CCDC137: variants seen among roughly 807,000 people sequenced by gnomAD.
The protein encoded by CCDC137 is coiled-coil domain containing 137, also known as coiled-coil domain-containing protein 137.
In CCDC137, 24 loss-of-function variants were observed where a neutral mutation model predicts 30.4. The ratio of observed to expected loss-of-function variants is 0.79; its 90% CI spans 0.57 to 1.11. The LOEUF (loss-of-function observed/expected upper bound fraction) is 1.11. Ranked by LOEUF, CCDC137 falls within the 50% of genes least tolerant of loss-of-function variation. The pLI is 0.00. For missense variants in CCDC137, 417 were observed against 380.4 expected, an observed-to-expected ratio of 1.10 and a Z score of -0.80; for synonymous variants, 182 against 155.7, an observed-to-expected ratio of 1.17 and a Z score of -1.26.
Position 81,672,875 on chromosome 17 carries a change from T to C in CCDC137, c.*171T>C. On this transcript the variant is annotated 3_prime_UTR_variant, in exon 6 of 6. Coordinates refer to ENST00000329214, the MANE Select transcript of CCDC137 (RefSeq NM_199287.3). ...CATCTTGCAGGGGGTGAGTGCCCGA[T>C]GGACTAGGGCCAAGGCCTGGTTGAC... is the stretch of plus-strand genomic sequence containing the variant. 1.5e-6 allele frequency: 1 copy of C among 651,480 alleles called. No homozygotes were observed. Among genetic ancestry groups the C allele is most frequent in the Non-Finnish European group, 2.6e-6 (1 of 385,842 alleles). The allele number at this position is 651,480 out of a possible 1,614,324, so 40.4% of individuals were successfully genotyped here.
In CCDC137 at chr17:81,667,822, G is replaced by A. The variant is rs2036661353; in HGVS notation, c.228G>A (p.Glu76=). Residue 76 remains glutamate, a synonymous_variant, in exon 2 of 6, where the codon GAG becomes GAA. Coordinates refer to ENST00000329214, the MANE Select transcript of CCDC137 (RefSeq NM_199287.3). ...RLREIMRSRQ[E]MKNPISNKKR... ...GGGAGATTATGAGGAGCCGCCAAGA[G>A]ATGAAAAACCCGATCAGTAACAAGA... 5 of 1,612,246 alleles carry A rather than the reference G, an allele frequency of 3.1e-6. No homozygotes were observed. In the South Asian group the frequency reaches 5.5e-5, roughly 18 times the overall value.
chr17:81,672,363 C>T (rs1008972975), intron 5 of CCDC137, 132 bp from the exon 6 acceptor site: 28 of 976,428 alleles, frequency 2.9e-5, no homozygotes, highest in East Asian at 2.4e-4. Flanking sequence ...CCTCAGCCAA[C>T]GTGTGCGCTG....
At chr17:81,670,149 G>A (rs1034459929) in intron 2 of CCDC137, 76 bp from the exon 3 acceptor site, 3 of 1,135,724 alleles carry the variant, frequency 2.6e-6, no homozygotes, top group Non-Finnish European at 3.8e-6. Flanking sequence ...GTGGCTTTGG[G>A]AGGGGAAATG....
At chr17:81,671,951 AG>A (rs1363667099) in intron 4 of CCDC137, 124 bp from the exon 5 acceptor site, 7 of 1,445,550 alleles carry the variant, frequency 4.8e-6, no homozygotes, top group Non-Finnish European at 6.8e-6. Context: ...CACAGCCATT[AG>A]ACCACTGGAT....
In CCDC137 at chr17:81,666,738, G is replaced by A. The variant is rs980287294; in HGVS notation, c.-29G>A. ...GGAACCATGCAGGAAGGCGGAAGTG[G>A]CTTCGCTAGGGAGCCTCCCGGCGTG... is the stretch of plus-strand genomic sequence containing the variant. On this transcript the variant is annotated 5_prime_UTR_variant, in exon 1 of 6. Coordinates refer to ENST00000329214, the MANE Select transcript of CCDC137 (RefSeq NM_199287.3). 1.4e-6 allele frequency: 2 copies of A among 1,447,460 alleles called. No individual in the cohort carries two copies. The highest frequency in any genetic ancestry group is 1.5e-5 in the South Asian group (1 of 68,662). 89.7% of individuals were successfully genotyped at this position (1,447,460 alleles called of 1,614,324 possible).
chr17:81,672,257 C>A, intron 5 of CCDC137, 102 bp downstream of exon 5: 3 of 1,248,190 alleles, frequency 2.4e-6, no homozygotes, highest in East Asian at 2.5e-5. Context: ...GTAATCCCAG[C>A]ACATTGGGAG....
chr17:81,670,072 G>A (rs760047978), intron 2 of CCDC137, 153 bp from the exon 3 acceptor site: 17 of 629,118 alleles, frequency 2.7e-5, no homozygotes, highest in South Asian at 3.9e-5. Context: ...ATGCCGGGCC[G>A]GGCATTCTAC....
Position 81,671,829 on chromosome 17 carries a change from A to C in CCDC137, c.580+3A>C, listed in dbSNP as rs751934934. On this transcript the variant is annotated splice_donor_region_variant and intron_variant, in intron 4 of 5. Coordinates refer to ENST00000329214, the MANE Select transcript of CCDC137 (RefSeq NM_199287.3). The stretch of plus-strand genomic sequence containing the variant: ...GCTGGAGCAGGAGTTGCTCCGAGGT[A>C]GCTCTTCCCAAAGCGATGGTGTCAG... 6.2e-7 allele frequency: 1 copy of C among 1,613,240 alleles called. No homozygotes were observed. The highest frequency in any genetic ancestry group is 2.2e-5 in the East Asian group (1 of 44,854).
At position 81,670,332 on chromosome 17, in the gene CCDC137, A is replaced by G. The variant is rs1431480475; in HGVS notation, c.376A>G (p.Ile126Val). Residue 126 changes from isoleucine (I) to valine (V), a missense_variant, in exon 3 of 6, where the codon ATC (isoleucine) becomes GTC (valine). Coordinates refer to ENST00000329214, the MANE Select transcript of CCDC137 (RefSeq NM_199287.3). ...QRKGESDGAY[I>V]HRMQQEAQHV... Reference sequence around the variant, plus strand: ...GAAGGGGGAGTCTGACGGGGCCTATATCCACCGCATGCAGCAAGAGGCCCA... The same window carrying G: ...GAAGGGGGAGTCTGACGGGGCCTATGTCCACCGCATGCAGCAAGAGGCCCA... The G allele has an allele frequency of 1.2e-6, 2 of 1,614,018 alleles. No individual in the cohort carries two copies. Among genetic ancestry groups the G allele is most frequent in the Admixed American group, 1.7e-5 (1 of 60,018 alleles).
In CCDC137 at chr17:81,673,455, CG is replaced by C. The variant is rs1568203116; in HGVS notation, c.*754del. ...CTACCTAACAGGGCTCTGAGAGAGC[CG>C]GGAGGCCCAAAGTGGCTGGAAGAAG... is the stretch of plus-strand genomic sequence containing the variant. On this transcript the variant is annotated 3_prime_UTR_variant, in exon 6 of 6. Transcript: ENST00000329214. The C allele has an allele frequency of 1.3e-5, 2 of 151,990 alleles. No individual in the cohort carries two copies. Among genetic ancestry groups the C allele is most frequent in the Non-Finnish European group, 2.9e-5 (2 of 68,032 alleles). 9.4% of individuals were successfully genotyped at this position (151,990 alleles called of 1,614,324 possible). A position where few individuals can be genotyped will look rare whatever the true frequency, so the allele number is the denominator to read the frequency against.
intron 1 of CCDC137, 90 bp downstream of exon 1, chr17:81,666,990 C>T: frequency 8.3e-7 from 1 of 1,211,368 alleles, no homozygotes; most frequent in Non-Finnish European, 1.0e-6. Flanking sequence ...GGAGCGTTCG[C>T]TCGGACCCCT....
intron 1 of CCDC137, among the ~76,000 whole-genome samples, chr17:81,667,276 C>T (rs146398903): frequency 2.0e-5 from 3 of 151,822 alleles, no homozygotes; most frequent in Non-Finnish European, 4.4e-5. Flanking sequence ...GCTGGACCGG[C>T]TCGCACCACA....
At chr17:81,671,426 C>T (rs1230711230) in intron 3 of CCDC137, among the ~76,000 whole-genome samples, 2 of 152,206 alleles carry the variant, frequency 1.3e-5, no homozygotes, top group Non-Finnish European at 2.9e-5. Context: ...CTTTGGCAGC[C>T]TTCCCAGCCT....
In CCDC137 at chr17:81,667,766, C is replaced by G. The variant is rs1368401905; in HGVS notation, c.172C>G (p.Gln58Glu). 6.2e-7 allele frequency: 1 copy of G among 1,613,650 alleles called. No homozygotes were observed. The highest frequency in any genetic ancestry group is 1.7e-5 in the Admixed American group (1 of 60,000). The change falls in exon 2 of 6, where the codon CAG (glutamine) becomes GAG (glutamate). Residue 58 changes from glutamine (Q) to glutamate (E), a missense_variant. Coordinates refer to ENST00000329214, the MANE Select transcript of CCDC137 (RefSeq NM_199287.3). ...KKKVNCKPKN[Q>E]DEQEIPFRLR... Reference sequence around the variant, plus strand: ...GAAAGTGAACTGCAAGCCCAAGAACCAGGACGAACAGGAGATTCCTTTCCG... The same window carrying G: ...GAAAGTGAACTGCAAGCCCAAGAACGAGGACGAACAGGAGATTCCTTTCCG...
At position 81,667,043 on chromosome 17, in the gene CCDC137, G is replaced by A. The variant is rs565954295; in HGVS notation, c.134+143G>A. 3.4e-6 allele frequency: 3 copies of A among 886,224 alleles called. No individual in the cohort carries two copies. In the South Asian group the frequency reaches 1.7e-4, roughly 51 times the overall value. The allele number at this position is 886,224 out of a possible 1,614,324, so 54.9% of individuals were successfully genotyped here. ...GTGCCCTCCTCTGTCTGTGCCCGCG[G>A]CCCACGCTCCGCCAGGATCGGTTGA... On this transcript the variant is annotated intron_variant, in intron 1 of 5. Coordinates refer to ENST00000329214, the MANE Select transcript of CCDC137 (RefSeq NM_199287.3).
chr17:81,673,596 C>T lies in CCDC137; in HGVS notation c.*892C>T, dbSNP rs1233061246. On this transcript the variant is annotated 3_prime_UTR_variant, in exon 6 of 6. Coordinates refer to ENST00000329214, the MANE Select transcript of CCDC137 (RefSeq NM_199287.3). Reference sequence around the variant, plus strand: ...TCTCCAGTGCCAAAGGAGGAAATGCCCAGGCTGTCAGCATTTCCAGATGAG... The same window carrying T: ...TCTCCAGTGCCAAAGGAGGAAATGCTCAGGCTGTCAGCATTTCCAGATGAG... 1 of 152,280 alleles carries T rather than the reference C, an allele frequency of 6.6e-6. No homozygotes were observed. The highest frequency in any genetic ancestry group is 2.4e-5 in the African/African-American group (1 of 41,456). The allele number at this position is 152,280 out of a possible 1,614,324, so 9.4% of individuals were successfully genotyped here. A position where few individuals can be genotyped will look rare whatever the true frequency, so the allele number is the denominator to read the frequency against.
At chr17:81,669,468 T>G (rs1281376497) in intron 2 of CCDC137, among the ~76,000 whole-genome samples, 1 of 152,090 alleles carries the variant, frequency 6.6e-6, no homozygotes, top group Non-Finnish European at 1.5e-5. Context: ...CACATATTTA[T>G]GAACACAACC....
In CCDC137 at chr17:81,673,839, G is replaced by A. The variant is rs1484680499; in HGVS notation, c.*1135G>A. 2 of 152,274 alleles carry A rather than the reference G, an allele frequency of 1.3e-5. No homozygotes were observed. The highest frequency in any genetic ancestry group is 3.8e-4 in the East Asian group (2 of 5,204). 9.4% of individuals were successfully genotyped at this position (152,274 alleles called of 1,614,324 possible). A position where few individuals can be genotyped will look rare whatever the true frequency, so the allele number is the denominator to read the frequency against. On this transcript the variant is annotated 3_prime_UTR_variant, in exon 6 of 6. Transcript: ENST00000329214. The stretch of plus-strand genomic sequence containing the variant: ...AGTGTGAAGTGACAGCCTTGTGTGT[G>A]ATGTTTTCTGCCTTCCCCAAGTTTG...
At chr17:81,667,909 A>T (rs1210009753) in intron 2 of CCDC137, 47 bp downstream of exon 2, 2 of 1,591,196 alleles carry the variant, frequency 1.3e-6, no homozygotes, top group South Asian at 2.3e-5. Flanking sequence ...TGTGTGTCTC[A>T]ACCCGCCCAA....
Sources: gnomAD v4.1 joint callset for allele counts (sites outside exome capture counted in the v4.1 genomes callset) on GRCh38, gnomAD v4.1.1 for gene constraint, MANE v1.5 for transcripts, NCBI Gene and HGNC (gene_info 2026-07-23, HGNC 2026-07-21) for gene names.